The following ZCCHC14 variants were observed in gnomAD, a reference collection of about 807,000 sequenced individuals.
ZCCHC14 encodes the protein zinc finger CCHC-type containing 14.
Under a neutral mutation model 85.0 loss-of-function variants are expected in ZCCHC14, and 16 were observed. The ratio of observed to expected loss-of-function variants is 0.19; its 90% confidence interval spans 0.13 to 0.29. ZCCHC14 has a LOEUF of 0.29. ZCCHC14 is among the 10% of genes least tolerant of loss of function. The probability of loss-of-function intolerance (pLI) is 1.00; values close to 1 mark genes in which losing one functional copy is unlikely to be tolerated. For synonymous variants in ZCCHC14, 775 were observed against 630.7 expected (o/e 1.23, Z -3.43); for missense variants, 1,303 against 1,443.5 (o/e 0.90, Z 1.58).
intron 1 of ZCCHC14, among the ~76,000 whole-genome samples, chr16:87,477,134 AAAAAAAAC>A (rs1206699044): frequency 1.6e-4 from 23 of 144,132 alleles, no homozygotes; most frequent in Admixed American, 9.7e-4. Flanking sequence ...AAAAAAAAAA[AAAAAAAAC>A]AAAACAAAAC....
chr16:87,412,741 C>T lies in ZCCHC14; in HGVS notation c.1980G>A (p.Met660Ile). The T allele has an allele frequency of 6.2e-7, 1 of 1,614,240 alleles. No homozygotes were observed. Among genetic ancestry groups the T allele is most frequent in the East Asian group, 2.2e-5 (1 of 44,886 alleles). Residue 660 changes from methionine to isoleucine, a missense_variant, in exon 12 of 13, where the codon ATG becomes ATA. By Grantham distance (10) the Met-to-Ile change is conservative (BLOSUM62 1). This residue lies in a region of ZCCHC14 where 797 missense variants were observed against 730.8 expected (regional missense o/e 1.09). Transcript: ENST00000671377. The stretch of plus-strand genomic sequence containing the variant: ...AGTGCACAGAAGACGAGAGGAGCTT[C>T]ATGTCCGCGCTCCCTCTTTCCGGCT... ...VHKPERGSAD[M>I]KLLSSSVHSL... is the part of the protein sequence containing the mutation.
chr16:87,421,434 G>A (rs985555480), intron 4 of ZCCHC14, among the ~76,000 whole-genome samples: 1 of 152,194 alleles, frequency 6.6e-6, no homozygotes, highest in Non-Finnish European at 1.5e-5. Context: ...AAGCAAAAGC[G>A]CTCTGGTGCT....
At chr16:87,453,588 G>A (rs550314058) in intron 2 of ZCCHC14, among the ~76,000 whole-genome samples, 2 of 152,324 alleles carry the variant, frequency 1.3e-5, no homozygotes, top group South Asian at 2.1e-4. Context: ...GTGGAGGGCC[G>A]ACTTCGCACA....
intron 3 of ZCCHC14, among the ~76,000 whole-genome samples, chr16:87,429,623 TC>T (rs1404413591): frequency 6.6e-6 from 1 of 152,206 alleles, no homozygotes; most frequent in Admixed American, 6.5e-5. Flanking sequence ...TCTTTTTTTT[TC>T]CCAGGCAGTT....
rs779833539 is a variant in ZCCHC14, at chr16:87,433,176, C to T, written c.720G>A (p.Lys240=). 6.8e-6 allele frequency: 11 copies of T among 1,614,018 alleles called. No homozygotes were observed. The highest frequency in any genetic ancestry group is 8.5e-6 in the Non-Finnish European group (10 of 1,180,044). ...TGTCATTTTTTGTGTGTGATAATCC[C>T]TTCAGGTCTATCTTTTCAACACTCA... ...SKVSVEKIDL[K]GLSHTKNDRN... The change falls in exon 3 of 13, where the codon AAG becomes AAA. Residue 240 remains lysine (K), a synonymous_variant. Transcript: ENST00000671377.
At chr16:87,444,619 A>G (rs758010587) in intron 2 of ZCCHC14, among the ~76,000 whole-genome samples, 5 of 152,222 alleles carry the variant, frequency 3.3e-5, no homozygotes, top group Non-Finnish European at 5.9e-5. Flanking sequence ...AGAGCAGCGT[A>G]GCATGTTCCT....
chr16:87,410,740 G>C (rs892126815), intron 12 of ZCCHC14, among the ~76,000 whole-genome samples: 2 of 152,218 alleles, frequency 1.3e-5, no homozygotes. Context: ...GCATGGCAGA[G>C]CGCCTGTCAA....
chr16:87,439,500 G>C (rs1041353829), intron 2 of ZCCHC14, among the ~76,000 whole-genome samples: 1 of 152,164 alleles, frequency 6.6e-6, no homozygotes. Flanking sequence ...GACCAAGTGC[G>C]ATTTCCAAAG....
At position 87,409,646 on chromosome 16, in the gene ZCCHC14, T is replaced by C. The variant is rs1908346984; in HGVS notation, c.*634A>G. 1 of 152,680 alleles carries C rather than the reference T, an allele frequency of 6.5e-6. No homozygotes were observed. Among genetic ancestry groups the C allele is most frequent in the African/African-American group, 2.4e-5 (1 of 41,472 alleles). 9.5% of individuals were successfully genotyped at this position (152,680 alleles called of 1,614,324 possible). A position where few individuals can be genotyped will look rare whatever the true frequency, so the allele number is the denominator to read the frequency against. ...AGGGAAGGAAATACTAAAACCTCTG[T>C]TGCGTCCTAAGTCGAGTAGCCTCTG... is the stretch of plus-strand genomic sequence containing the variant. On this transcript the variant is annotated 3_prime_UTR_variant, in exon 13 of 13. Coordinates refer to ENST00000671377, the MANE Select transcript of ZCCHC14 (RefSeq NM_015144.3).
intron 2 of ZCCHC14, among the ~76,000 whole-genome samples, chr16:87,453,335 C>A (rs1014478659): frequency 6.6e-6 from 1 of 152,246 alleles, no homozygotes; most frequent in Non-Finnish European, 1.5e-5. Context: ...GAACAAAACA[C>A]CCCTCTGAAG....
chr16:87,477,768 C>T (rs569251621), intron 1 of ZCCHC14, among the ~76,000 whole-genome samples: 7 of 151,964 alleles, frequency 4.6e-5, no homozygotes, highest in African/African-American at 9.7e-5. Flanking sequence ...ACGCCCCCAC[C>T]GCATCCCCCT....
In ZCCHC14 at chr16:87,412,096, G is replaced by T; in HGVS notation, c.2625C>A (p.Val875=). 1 of 1,613,208 alleles carries T rather than the reference G, an allele frequency of 6.2e-7. No individual in the cohort carries two copies. Among genetic ancestry groups the T allele is most frequent in the Non-Finnish European group, 8.5e-7 (1 of 1,180,046 alleles). The change falls in exon 12 of 13, where the codon GTC becomes GTA. Residue 875 remains valine (V), a synonymous_variant. Coordinates refer to ENST00000671377, the MANE Select transcript of ZCCHC14 (RefSeq NM_015144.3). ...APSSSPALSS[V]PESSFYSSSG... ...TGCTGCTATAGAAACTGCTTTCAGG[G>T]ACGGAGGACAGCGCCGGGCTGGAGC...
intron 2 of ZCCHC14, among the ~76,000 whole-genome samples, chr16:87,444,038 GAAAAAAAAA>G (rs56352252): frequency 2.6e-5 from 2 of 77,112 alleles, no homozygotes; most frequent in Non-Finnish European, 4.5e-5. Flanking sequence ...CTCTATCACA[GAAAAAAAAA>G]AAAAAAAAAA....
At position 87,412,478 on chromosome 16, in the gene ZCCHC14, T is replaced by C. The variant is rs1908516803; in HGVS notation, c.2243A>G (p.Gln748Arg). Residue 748 changes from glutamine (Q) to arginine (R), a missense_variant, in exon 12 of 13, where the codon CAA becomes CGA. Gln to Arg is a conservative substitution (Grantham distance 43). Around this residue, in one of 7 missense-constraint regions of ZCCHC14, gnomAD observed 797 missense variants for 730.8 expected, o/e 1.09. Transcript: ENST00000671377. The part of the protein sequence containing the change: ...TLDRVLKTAQ[Q>R]PALVVETSTA... The stretch of plus-strand genomic sequence containing the variant: ...GCTGGTCTCCACGACCAGGGCCGGT[T>C]GCTGTGCTGTCTTCAGCACCCTGTC... 1 of 1,613,828 alleles carries C rather than the reference T, an allele frequency of 6.2e-7. No individual in the cohort carries two copies. Among genetic ancestry groups the C allele is most frequent in the Non-Finnish European group, 8.5e-7 (1 of 1,179,976 alleles).
In ZCCHC14 at chr16:87,440,534, C is replaced by A. The variant is rs115380225; in HGVS notation, c.695-7333G>T. On this transcript the variant is annotated intron_variant, in intron 2 of 12. Transcript: ENST00000671377. Reference sequence around the variant, plus strand: ...GAATTTGTAACATGTTTCAGGAAGGCACCAAACAGGGAAGTATCCAGAGGT... The same window carrying A: ...GAATTTGTAACATGTTTCAGGAAGGAACCAAACAGGGAAGTATCCAGAGGT... 8.9e-3 allele frequency among the ~76,000 whole-genome samples: 1,361 copies of A among 152,234 alleles called. 24 individuals carry two copies. Among genetic ancestry groups the A allele is most frequent in the African/African-American group, 0.031 (1,298 of 41,526 alleles).
intron 6 of ZCCHC14, 80 bp from the exon 7 acceptor site, chr16:87,418,981 T>C (rs1305725503): frequency 2.3e-6 from 3 of 1,324,512 alleles, no homozygotes; most frequent in East Asian, 2.7e-5. Context: ...TTTGAGACGG[T>C]GTTTTGCTCT....
chr16:87,411,357 G>C (rs764865188), intron 12 of ZCCHC14, 159 bp downstream of exon 12: 21 of 1,502,230 alleles, frequency 1.4e-5, no homozygotes, highest in African/African-American at 2.8e-5. Flanking sequence ...TCCTTCTGGG[G>C]ACCTCACGGC....
At chr16:87,455,384 A>C (rs1300221141) in intron 2 of ZCCHC14, among the ~76,000 whole-genome samples, 1 of 152,160 alleles carries the variant, frequency 6.6e-6, no homozygotes, top group African/African-American at 2.4e-5. Flanking sequence ...CAACACAGTG[A>C]CAAGAGGCTT....
intron 1 of ZCCHC14, among the ~76,000 whole-genome samples, chr16:87,483,304 CAAAAAAAAAAAAAAAAAAAA>C (rs56708958): frequency 0.012 from 539 of 43,662 alleles, 8 homozygotes; most frequent in African/African-American, 0.041. Flanking sequence ...CTAAAAATAC[CAAAAAAAAAAAAAAAAAAAA>C]AAAAAAAAAA....
Sources: gnomAD v4.1 joint callset for allele counts (sites outside exome capture counted in the v4.1 genomes callset) on GRCh38, gnomAD v4.1.1 for gene constraint, gnomAD v4.1.1 regional missense constraint, MANE v1.5 for transcripts, NCBI Gene and HGNC (gene_info 2026-07-23, HGNC 2026-07-21) for gene names.